Variants in GALNTL6 observed in about 807,000 individuals in gnomAD.
The protein encoded by GALNTL6 is polypeptide N-acetylgalactosaminyltransferase-like 6.
In GALNTL6, 46 loss-of-function variants were observed where a neutral mutation model predicts 73.7. The ratio of observed to expected loss-of-function variants is 0.62; its 90% confidence interval spans 0.49 to 0.80. The LOEUF (loss-of-function observed/expected upper bound fraction) is 0.80, where lower values mean the gene tolerates loss of function less well. Among genes scored for constraint, GALNTL6 ranks in the 30% least tolerant of loss-of-function variants. The probability of loss-of-function intolerance (pLI) is 0.00; values close to 1 mark genes in which losing one functional copy is unlikely to be tolerated. For missense variants in GALNTL6, 604 were observed against 755.0 expected, an observed-to-expected ratio of 0.80 and a Z score of 2.34; for synonymous variants, 259 against 263.7, an observed-to-expected ratio of 0.98 and a Z score of 0.17.
Position 172,838,844 on chromosome 4 carries a change from T to G in GALNTL6, c.923+25121T>G, listed in dbSNP as rs1054344610. Among the ~76,000 whole-genome samples the G allele has an allele frequency of 3.9e-5, 6 of 152,280 alleles. No individual in the cohort carries two copies. In the East Asian group the frequency reaches 7.7e-4, roughly 20 times the overall value. On this transcript the variant is annotated intron_variant, in intron 7 of 12. Coordinates refer to ENST00000506823, the MANE Select transcript of GALNTL6 (RefSeq NM_001034845.3). ...ATAAAAAAGTCTTAAATTTGGTATT[T>G]AGATAAATTCGCAGGTAATCAGGTT... is the stretch of plus-strand genomic sequence containing the variant.
chr4:172,956,712 G>T (rs1261292184), intron 10 of GALNTL6, among the ~76,000 whole-genome samples: 3 of 152,218 alleles, frequency 2.0e-5, no homozygotes, highest in Non-Finnish European at 4.4e-5. Context: ...GCTGTACCTT[G>T]TAGCATTCTG....
At chr4:172,039,799 T>A (rs1202009708) in intron 2 of GALNTL6, among the ~76,000 whole-genome samples, 1 of 152,156 alleles carries the variant, frequency 6.6e-6, no homozygotes, top group Non-Finnish European at 1.5e-5. Context: ...TATAAAGGGA[T>A]AAACCTCAGG....
At chr4:172,547,564 C>G (rs1237275689) in intron 5 of GALNTL6, among the ~76,000 whole-genome samples, 1 of 152,068 alleles carries the variant, frequency 6.6e-6, no homozygotes, top group Non-Finnish European at 1.5e-5. Context: ...CCTGCAACAC[C>G]ATGTGAAAAG....
At chr4:172,050,000 A>C (rs1730796925) in intron 2 of GALNTL6, among the ~76,000 whole-genome samples, 1 of 16,152 alleles carries the variant, frequency 6.2e-5, no homozygotes, top group Non-Finnish European at 2.1e-4. Flanking sequence ...AAAAAGAAGA[A>C]GGAAAAAGAA....
intron 11 of GALNTL6, among the ~76,000 whole-genome samples, chr4:173,015,922 G>A (rs1365081235): frequency 1.3e-5 from 2 of 152,186 alleles, no homozygotes; most frequent in East Asian, 3.9e-4. Context: ...CTTGGGCCAG[G>A]CCCAGGGCCC....
rs1227909787 is a variant in GALNTL6, at chr4:172,494,594, G to A, written c.553+145905G>A. Among the ~76,000 whole-genome samples, 3 of 152,158 alleles carry A rather than the reference G, an allele frequency of 2.0e-5. No homozygotes were observed. In the East Asian group the frequency reaches 5.8e-4, roughly 29 times the overall value. ...AACTGGGGAGCAGGGAAGCCAGTCCGAGTCCCAAAACCACAAAAGTTGAGA... is the reference window on the plus strand; with the variant it reads ...AACTGGGGAGCAGGGAAGCCAGTCCAAGTCCCAAAACCACAAAAGTTGAGA... On this transcript the variant is annotated intron_variant, in intron 5 of 12. Coordinates refer to ENST00000506823, the MANE Select transcript of GALNTL6 (RefSeq NM_001034845.3).
chr4:172,233,771 A>G (rs1180292185), intron 3 of GALNTL6, among the ~76,000 whole-genome samples: 1 of 152,058 alleles, frequency 6.6e-6, no homozygotes, highest in Non-Finnish European at 1.5e-5. Flanking sequence ...AAAATTTTGT[A>G]TTCGGTTTTA....
intron 9 of GALNTL6, among the ~76,000 whole-genome samples, chr4:172,939,780 GCTTGTGCTAAC>G (rs1748823292): frequency 6.6e-6 from 1 of 152,070 alleles, no homozygotes; most frequent in South Asian, 2.1e-4. Context: ...GGCATTTCCT[GCTTGTGCTAAC>G]CATGAGAAAA....
At chr4:172,147,602 T>C (rs1733960112) in intron 2 of GALNTL6, among the ~76,000 whole-genome samples, 2 of 152,198 alleles carry the variant, frequency 1.3e-5, no homozygotes, top group South Asian at 4.1e-4. Context: ...TTTAAACATT[T>C]TGTGGTTTCT....
chr4:172,025,809 T>TTG (rs984628368), intron 2 of GALNTL6, among the ~76,000 whole-genome samples: 10 of 151,246 alleles, frequency 6.6e-5, no homozygotes, highest in East Asian at 3.9e-4. Context: ...GTGTGTATGT[T>TTG]TGTGTGTGTG....
chr4:172,438,072 T>C (rs1359962555), intron 5 of GALNTL6, among the ~76,000 whole-genome samples: 2 of 152,136 alleles, frequency 1.3e-5, no homozygotes, highest in Non-Finnish European at 2.9e-5. Context: ...ATTGTGGTGT[T>C]TTTTGGCCAT....
At chr4:172,088,800 G>A (rs894051274) in intron 2 of GALNTL6, among the ~76,000 whole-genome samples, 1 of 152,146 alleles carries the variant, frequency 6.6e-6, no homozygotes, top group Admixed American at 6.5e-5. Flanking sequence ...AGAGAGACAG[G>A]TGATTCAGAG....
chr4:172,002,107 A>T (rs1014122227), intron 2 of GALNTL6, among the ~76,000 whole-genome samples: 1 of 152,178 alleles, frequency 6.6e-6, no homozygotes, highest in Non-Finnish European at 1.5e-5. Flanking sequence ...AGAAAATCTG[A>T]TTATATATCA....
At chr4:172,701,027 A>C (rs1318434104) in intron 5 of GALNTL6, among the ~76,000 whole-genome samples, 1 of 152,282 alleles carries the variant, frequency 6.6e-6, no homozygotes, top group Non-Finnish European at 1.5e-5. Flanking sequence ...CCTGAGAAGT[A>C]GAAATTTAGC....
chr4:172,584,729 A>C (rs185516401), intron 5 of GALNTL6, among the ~76,000 whole-genome samples: 100 of 152,310 alleles, frequency 6.6e-4, no homozygotes, highest in Non-Finnish European at 1.2e-3. Flanking sequence ...ATTAAGATTG[A>C]GGACATCCAA....
chr4:172,227,250 A>T (rs1448163678), intron 2 of GALNTL6, among the ~76,000 whole-genome samples: 1 of 152,178 alleles, frequency 6.6e-6, no homozygotes, highest in Non-Finnish European at 1.5e-5. Flanking sequence ...CTCTTATGTA[A>T]GGATGTAAGC....
At chr4:172,224,770 C>T (rs1736795186) in intron 2 of GALNTL6, among the ~76,000 whole-genome samples, 2 of 152,166 alleles carry the variant, frequency 1.3e-5, no homozygotes, top group South Asian at 2.1e-4. Context: ...GCTTGTGTCA[C>T]ATCCCTGACT....
intron 5 of GALNTL6, among the ~76,000 whole-genome samples, chr4:172,753,772 G>T (rs1737572011): frequency 6.6e-6 from 1 of 151,410 alleles, no homozygotes; most frequent in Non-Finnish European, 1.5e-5. Flanking sequence ...AGTGTCTGGA[G>T]AAGCTAAGCA....
chr4:172,581,231 A>G (rs559585376), intron 5 of GALNTL6, among the ~76,000 whole-genome samples: 2 of 152,360 alleles, frequency 1.3e-5, no homozygotes, highest in East Asian at 1.9e-4. Flanking sequence ...TAGTACAACT[A>G]TGCAAAATCA....
Sources: allele counts gnomAD v4.1 joint callset (sites outside exome capture counted in the v4.1 genomes callset), GRCh38; gene constraint gnomAD v4.1.1; transcripts MANE v1.5; gene names NCBI Gene and HGNC (gene_info 2026-07-23, HGNC 2026-07-21).